THOC5: variants seen among roughly 807,000 people sequenced by gnomAD.
The protein encoded by THOC5 is THO complex subunit 5.
Under a neutral mutation model 92.9 loss-of-function variants are expected in THOC5, and 43 were observed. The observed-to-expected ratio is 0.46, with a 90% CI of 0.36 to 0.60. The LOEUF is 0.60. Ranked by LOEUF, THOC5 falls within the 20% of genes least tolerant of loss-of-function variation. The pLI, the probability that THOC5 is intolerant of heterozygous loss-of-function variation, is 0.00. For synonymous variants in THOC5, 296 were observed against 320.1 expected, an observed-to-expected ratio of 0.92 and a Z score of 0.80; for missense variants, 659 against 849.4, an observed-to-expected ratio of 0.78 and a Z score of 2.79.
At position 29,512,287 on chromosome 22, in the gene THOC5, T is replaced by C; in HGVS notation, c.1682-151A>G. On this transcript the variant is annotated intron_variant, in intron 17 of 19. Transcript: ENST00000490103. Reference sequence around the variant, plus strand: ...TATTCTGGTACCAACTGTTCCAGAATGTCCTAAGTGGAATTGCCAGCTTGC... The same window carrying C: ...TATTCTGGTACCAACTGTTCCAGAACGTCCTAAGTGGAATTGCCAGCTTGC... 4.7e-6 allele frequency: 3 copies of C among 635,770 alleles called. No homozygotes were observed. The East Asian group carries it at 8.5e-5, about 18-fold the overall frequency. The allele number at this position is 635,770 out of a possible 1,614,324, so 39.4% of individuals were successfully genotyped here.
chr22:29,517,423 T>C (rs1978299606), intron 15 of THOC5, 57 bp from the exon 16 acceptor site: 1 of 1,479,350 alleles, frequency 6.8e-7, no homozygotes, highest in African/African-American at 1.4e-5. Flanking sequence ...CACAGATGGG[T>C]AACTAGCATC....
chr22:29,536,691 A>G lies in THOC5; in HGVS notation c.647T>C (p.Leu216Pro). Residue 216 changes from leucine (L) to proline (P), a missense_variant, in exon 7 of 20, where the codon CTC becomes CCC. By Grantham distance (98) the Leu-to-Pro change is moderately conservative. Transcript: ENST00000490103. ...RECLSNKEKI[L>P]KEIEVKKEYL... ...CTCCTTCTTCACCTCAATCTCCTTG[A>G]GAATCTTCTCCTTGTTAGATAGGCA... 1 of 1,613,862 alleles carries G rather than the reference A, an allele frequency of 6.2e-7. No homozygotes were observed. The highest frequency in any genetic ancestry group is 8.5e-7 in the Non-Finnish European group (1 of 1,179,786).
In THOC5 at chr22:29,521,058, G is replaced by C. The variant is rs750714760; in HGVS notation, c.1217C>G (p.Pro406Arg). Residue 406 changes from proline to arginine, a missense_variant, in exon 13 of 20, where the codon CCT (proline) becomes CGT (arginine). Pro to Arg is a moderately radical substitution (Grantham distance 103). Transcript: ENST00000490103. ...CGGAGTTTTCTTTCCATGATCCCCA[G>C]GATACAAGCAACTCAGGACTGAGTC... ...SPDSVLSCLY[P>R]GDHGKKTPNP... is the part of the protein sequence containing the mutation. 12 of 1,614,004 alleles carry C rather than the reference G, an allele frequency of 7.4e-6. No individual in the cohort carries two copies. Among genetic ancestry groups the C allele is most frequent in the South Asian group, 3.3e-5 (3 of 91,088 alleles).
intron 7 of THOC5, among the ~76,000 whole-genome samples, chr22:29,532,500 T>TA (rs1395865989): frequency 2.0e-5 from 3 of 148,490 alleles, no homozygotes; most frequent in Non-Finnish European, 4.5e-5. Flanking sequence ...CCGTCTCTAC[T>TA]AAAAAAAATA....
rs542096652 is a variant in THOC5 at position 29,527,958 on chromosome 22, A to G, written c.1066+120T>C. On this transcript the variant is annotated intron_variant, in intron 11 of 19. Coordinates refer to ENST00000490103, the MANE Select transcript of THOC5 (RefSeq NM_003678.5). ...CAAAACAATAAGGAAAAACAAAGCA[A>G]TATGAAATGGGAATCCTTTGTTGGG... 2.9e-4 allele frequency: 249 copies of G among 848,326 alleles called. 3 individuals are homozygous for G. The South Asian group carries it at 3.9e-3, about 13-fold the overall frequency. The allele number at this position is 848,326 out of a possible 1,614,324, so 52.5% of individuals were successfully genotyped here. A position where few individuals can be genotyped will look rare whatever the true frequency, so the allele number is the denominator to read the frequency against.
chr22:29,546,153 C>T (rs994359434), intron 2 of THOC5, among the ~76,000 whole-genome samples: 4 of 152,236 alleles, frequency 2.6e-5, no homozygotes, highest in Non-Finnish European at 5.9e-5. Context: ...CCCTTTCAGC[C>T]ATGCCTGGAC....
intron 9 of THOC5, 25 bp from the exon 10 acceptor site, chr22:29,528,491 T>C (rs761368377): frequency 2.5e-6 from 4 of 1,611,880 alleles, no homozygotes; most frequent in Admixed American, 3.3e-5. Context: ...AGAAGGCAGC[T>C]AGAGGTGAGG....
chr22:29,543,095 G>A (rs1352509562), intron 4 of THOC5, 139 bp from the exon 5 acceptor site: 18 of 637,592 alleles, frequency 2.8e-5, no homozygotes, highest in Non-Finnish European at 4.0e-5. Flanking sequence ...TGTAATCCCA[G>A]CACTTTGGGA....
At chr22:29,523,152 G>C (rs2063477967) in intron 12 of THOC5, among the ~76,000 whole-genome samples, 1 of 151,982 alleles carries the variant, frequency 6.6e-6, no homozygotes, top group African/African-American at 2.4e-5. Flanking sequence ...TGAGGCAGGA[G>C]AATCACTTGA....
In THOC5 at chr22:29,549,306, G is replaced by A. The variant is rs545623722; in HGVS notation, c.-11-148C>T. ...ATTTAACCCTCTGTAATACAACAGG[G>A]AAGCATCTCTCAGCCTGTCCAAAAC... On this transcript the variant is annotated intron_variant, in intron 1 of 19. Transcript: ENST00000490103. The A allele has an allele frequency of 9.0e-4, 593 of 659,394 alleles. 3 individuals carry two copies. Among genetic ancestry groups the A allele is most frequent in the South Asian group, 3.7e-3 (198 of 53,212 alleles). The allele number at this position is 659,394 out of a possible 1,614,324, so 40.8% of individuals were successfully genotyped here.
At position 29,517,378 on chromosome 22, in the gene THOC5, C is replaced by G. The variant is rs1324240886; in HGVS notation, c.1490-12G>C. On this transcript the variant is annotated splice_polypyrimidine_tract_variant and intron_variant, in intron 15 of 19. Coordinates refer to ENST00000490103, the MANE Select transcript of THOC5 (RefSeq NM_003678.5). ...CACAATGCCATGTTCTAAAAGAGAA[C>G]AAGACAGATGACGTCACAGGTAGAA... 1.2e-6 allele frequency: 2 copies of G among 1,611,760 alleles called. No individual in the cohort carries two copies. Among genetic ancestry groups the G allele is most frequent in the Non-Finnish European group, 1.7e-6 (2 of 1,178,518 alleles).
At chr22:29,541,894 ATATATATATATAT>A (rs1458452662) in intron 5 of THOC5, among the ~76,000 whole-genome samples, 5,089 of 33,136 alleles carry the variant, frequency 0.15, 348 homozygotes, top group Middle Eastern at 0.34. Flanking sequence ...AAAAAAAAAA[ATATATATATATAT>A]ATATATATAT....
In THOC5 at chr22:29,549,090, G is replaced by A; in HGVS notation, c.58C>T (p.Pro20Ser). ...KPKVIRSDGA[P>S]AEGKRNRSDT... ...GATCGATTCCGCTTTCCTTCAGCTGGGGCTCCATCGCTTCGGATCACTTTG... is the reference window on the plus strand; with the variant it reads ...GATCGATTCCGCTTTCCTTCAGCTGAGGCTCCATCGCTTCGGATCACTTTG... The change falls in exon 2 of 20, where the codon CCA (proline) becomes TCA (serine). Residue 20 changes from proline (P) to serine (S), a missense_variant. By Grantham distance (74) the Pro-to-Ser change is moderately conservative. Coordinates refer to ENST00000490103, the MANE Select transcript of THOC5 (RefSeq NM_003678.5). The A allele has an allele frequency of 1.9e-6, 3 of 1,614,060 alleles. No individual in the cohort carries two copies. The highest frequency in any genetic ancestry group is 2.5e-6 in the Non-Finnish European group (3 of 1,180,006).
chr22:29,545,522 A>C (rs1601458421), intron 2 of THOC5, among the ~76,000 whole-genome samples: 1 of 152,310 alleles, frequency 6.6e-6, no homozygotes, highest in East Asian at 1.9e-4. Context: ...GTTACTTCGT[A>C]GATACAGTGG....
chr22:29,514,241 C>T (rs1174889336), intron 17 of THOC5, among the ~76,000 whole-genome samples: 1 of 152,096 alleles, frequency 6.6e-6, no homozygotes, highest in Non-Finnish European at 1.5e-5. Context: ...GCCACCACGC[C>T]CAGGCTGTTC....
rs1226665797 is a variant in THOC5, at chr22:29,507,817, G to A, written c.*640C>T. ...ACTACTGGTCAACAGCAGGCTATTA[G>A]TTAAGTTTTTAGGGAGTCAAAAGTT... On this transcript the variant is annotated 3_prime_UTR_variant, in exon 20 of 20. Transcript: ENST00000490103. The A allele has an allele frequency of 6.5e-6, 1 of 152,726 alleles. No homozygotes were observed. Among genetic ancestry groups the A allele is most frequent in the Admixed American group, 6.5e-5 (1 of 15,300 alleles). The allele number at this position is 152,726 out of a possible 1,614,324, so 9.5% of individuals were successfully genotyped here.
At chr22:29,514,072 TC>T (rs1440752875) in intron 17 of THOC5, 3 of 152,026 alleles carry the variant, frequency 2.0e-5, no homozygotes, top group African/African-American at 7.2e-5. Flanking sequence ...TGCCTCAGCC[TC>T]CCAAGTAGCT....
intron 12 of THOC5, among the ~76,000 whole-genome samples, chr22:29,521,957 G>A (rs2063450197): frequency 6.6e-6 from 1 of 152,136 alleles, no homozygotes; most frequent in African/African-American, 2.4e-5. Flanking sequence ...GGACAGTGGA[G>A]GCTTCCAGCT....
chr22:29,522,852 T>A (rs866568532), intron 12 of THOC5, among the ~76,000 whole-genome samples: 1 of 151,790 alleles, frequency 6.6e-6, no homozygotes, highest in Non-Finnish European at 1.5e-5. Context: ...AATACAAAAA[T>A]TAGCCCAGCA....
Sources: gnomAD v4.1 joint callset for allele counts (sites outside exome capture counted in the v4.1 genomes callset) on GRCh38, gnomAD v4.1.1 for gene constraint, MANE v1.5 for transcripts, NCBI Gene and HGNC (gene_info 2026-07-23, HGNC 2026-07-21) for gene names.